The following SWAP70 variants were observed in gnomAD, a reference collection of about 807,000 sequenced individuals.
The protein encoded by SWAP70 is switch-associated protein 70.
SWAP70 carries 34 observed loss-of-function variants against 80.2 expected under a neutral mutation model. The ratio of observed to expected loss-of-function variants is 0.42; its 90% CI spans 0.32 to 0.56. The LOEUF is 0.56. Among genes scored for constraint, SWAP70 ranks in the 20% least tolerant of loss-of-function variants. SWAP70 has a pLI of 0.09. For synonymous variants in SWAP70, 239 were observed against 238.5 expected, an observed-to-expected ratio of 1.00 and a Z score of -0.02; for missense variants, 578 against 690.7, an observed-to-expected ratio of 0.84 and a Z score of 1.83.
intron 1 of SWAP70, among the ~76,000 whole-genome samples, chr11:9,678,543 CTTTTTTTT>C (rs72123125): frequency 1.8e-4 from 14 of 77,208 alleles, no homozygotes; most frequent in African/African-American, 4.5e-4. Flanking sequence ...CTCTGAGGTG[CTTTTTTTT>C]TTTTTTTTTT....
chr11:9,723,319 G>GCA (rs541347101), intron 3 of SWAP70, among the ~76,000 whole-genome samples: 4 of 151,950 alleles, frequency 2.6e-5, no homozygotes, highest in South Asian at 4.2e-4. Flanking sequence ...TCATGACCCA[G>GCA]CACACACACA....
chr11:9,733,931 C>T lies in SWAP70; in HGVS notation c.1080+1221C>T, dbSNP rs543624590. On this transcript the variant is annotated intron_variant, in intron 7 of 11. Coordinates refer to ENST00000318950, the MANE Select transcript of SWAP70 (RefSeq NM_015055.4). ...AGTGAATACCCATGAAAATACTACC[C>T]AGGTTAAGATAGATTATTGCCAATA... 4.6e-5 allele frequency among the ~76,000 whole-genome samples: 7 copies of T among 152,228 alleles called. No homozygotes were observed. The South Asian group carries it at 1.5e-3, about 32-fold the overall frequency.
intron 2 of SWAP70, among the ~76,000 whole-genome samples, chr11:9,701,528 A>G (rs12788791): frequency 6.6e-6 from 1 of 151,404 alleles, no homozygotes; most frequent in Non-Finnish European, 1.5e-5. Context: ...TATGCCTGTA[A>G]TCTCAGCACT....
intron 1 of SWAP70, among the ~76,000 whole-genome samples, chr11:9,677,407 A>G (rs1850515072): frequency 6.6e-6 from 1 of 152,150 alleles, no homozygotes; most frequent in Non-Finnish European, 1.5e-5. Flanking sequence ...ATATAGACAC[A>G]TATAAATTTT....
At chr11:9,728,275 C>A in intron 5 of SWAP70, 76 bp downstream of exon 5, 2 of 1,368,876 alleles carry the variant, frequency 1.5e-6, no homozygotes, top group Non-Finnish European at 1.9e-6. Flanking sequence ...CACCTTCTTC[C>A]ACCTAGACTC....
At chr11:9,720,134 T>C (rs916597601) in intron 3 of SWAP70, 108 of 985,216 alleles carry the variant, frequency 1.1e-4, no homozygotes, top group Non-Finnish European at 1.2e-4. Flanking sequence ...AATTGAATAG[T>C]GGAGAATGGT....
chr11:9,715,454 A>G (rs1315645475), intron 3 of SWAP70, among the ~76,000 whole-genome samples: 1 of 152,202 alleles, frequency 6.6e-6, no homozygotes, highest in East Asian at 1.9e-4. Context: ...CACTTATACC[A>G]TGGAACACAT....
In SWAP70 at chr11:9,751,354, A is replaced by G. The variant is rs1416030018; in HGVS notation, c.*1384A>G. ...TCTGATTTGAAAGGAGTATTGAGGA[A>G]GGTTTTCATATATGATCTATCTTTG... On this transcript the variant is annotated 3_prime_UTR_variant, in exon 12 of 12. Transcript: ENST00000318950. The G allele has an allele frequency of 5.3e-5, 8 of 152,242 alleles. No homozygotes were observed. The highest frequency in any genetic ancestry group is 2.6e-4 in the Admixed American group (4 of 15,286). The allele number at this position is 152,242 out of a possible 1,614,324, so 9.4% of individuals were successfully genotyped here.
intron 2 of SWAP70, among the ~76,000 whole-genome samples, chr11:9,704,657 C>T (rs1313878266): frequency 2.0e-5 from 3 of 152,128 alleles, no homozygotes; most frequent in Non-Finnish European, 4.4e-5. Context: ...ACTCCCAAAG[C>T]GCTGAGATTG....
chr11:9,708,942 C>T (rs1456894923), intron 2 of SWAP70, among the ~76,000 whole-genome samples: 1 of 152,178 alleles, frequency 6.6e-6, no homozygotes, highest in Non-Finnish European at 1.5e-5. Context: ...GTCACCCAGA[C>T]TAGAGTGTGA....
At chr11:9,710,610 C>T (rs1223216116) in intron 2 of SWAP70, among the ~76,000 whole-genome samples, 1 of 151,452 alleles carries the variant, frequency 6.6e-6, no homozygotes, top group East Asian at 1.9e-4. Context: ...TTCTGCTGCC[C>T]ATGCCTGCCT....
intron 5 of SWAP70, 27 bp from the exon 6 acceptor site, chr11:9,729,316 A>G (rs983994128): frequency 5.7e-6 from 8 of 1,399,556 alleles, no homozygotes; most frequent in Non-Finnish European, 7.0e-6. Context: ...TAAAATTTTG[A>G]GGAACTAATT....
intron 4 of SWAP70, among the ~76,000 whole-genome samples, chr11:9,725,792 G>A (rs1009876541): frequency 2.6e-5 from 4 of 151,748 alleles, no homozygotes; most frequent in Non-Finnish European, 4.4e-5. Context: ...GGACGGTCTC[G>A]ATCTTTTGAC....
chr11:9,712,639 A>G (rs1444686421), intron 2 of SWAP70, among the ~76,000 whole-genome samples: 1 of 152,160 alleles, frequency 6.6e-6, no homozygotes, highest in African/African-American at 2.4e-5. Flanking sequence ...GTAGATGCTG[A>G]GGAAACACTG....
intron 1 of SWAP70, among the ~76,000 whole-genome samples, chr11:9,689,529 A>G (rs1850670591): frequency 6.6e-6 from 1 of 152,266 alleles, no homozygotes; most frequent in South Asian, 2.1e-4. Flanking sequence ...GGGTGCTGAA[A>G]GAATGGCCTT....
intron 2 of SWAP70, among the ~76,000 whole-genome samples, chr11:9,695,597 A>T (rs796336068): frequency 6.9e-6 from 1 of 144,882 alleles, no homozygotes; most frequent in Non-Finnish European, 1.5e-5. Context: ...AGAGGGGGGA[A>T]CAACAGACAC....
intron 4 of SWAP70, among the ~76,000 whole-genome samples, chr11:9,727,456 C>T (rs1254396086): frequency 1.3e-5 from 2 of 152,152 alleles, no homozygotes; most frequent in Non-Finnish European, 1.5e-5. Context: ...AACTCCTGGC[C>T]TCAAGCGATC....
rs765284993 is a variant in SWAP70, at chr11:9,748,000, A to G, written c.1498A>G (p.Met500Val). 1.9e-6 allele frequency: 3 copies of G among 1,614,154 alleles called. No homozygotes were observed. Among genetic ancestry groups the G allele is most frequent in the Admixed American group, 1.7e-5 (1 of 60,030 alleles). ...GAAGGAACAGGCCCTGCAGGAGGCC[A>G]TGGAGCAGCTGGAGCAGCTTGAGTT... ...VLKEQALQEA[M>V]EQLEQLELER... The change falls in exon 10 of 12, where the codon ATG becomes GTG. Residue 500 changes from methionine (M) to valine (V), a missense_variant. Physicochemically the swap from Met to Val is conservative, Grantham distance 21. Coordinates refer to ENST00000318950, the MANE Select transcript of SWAP70 (RefSeq NM_015055.4).
At chr11:9,676,515 T>A (rs1484972645) in intron 1 of SWAP70, among the ~76,000 whole-genome samples, 1 of 152,188 alleles carries the variant, frequency 6.6e-6, no homozygotes, top group Non-Finnish European at 1.5e-5. Flanking sequence ...ATATCTTTCT[T>A]TATACTTTAA....
Sources: gnomAD v4.1 joint callset for allele counts (sites outside exome capture counted in the v4.1 genomes callset) on GRCh38, gnomAD v4.1.1 for gene constraint, MANE v1.5 for transcripts, NCBI Gene and HGNC (gene_info 2026-07-23, HGNC 2026-07-21) for gene names.